The following TRIM5 variants were observed in gnomAD, a reference collection of about 807,000 sequenced individuals.
TRIM5 encodes the protein tripartite motif containing 5.
In TRIM5, 31 loss-of-function variants were observed where a neutral mutation model predicts 35.6. That is an observed-to-expected ratio of 0.87 (90% CI 0.65 to 1.18). TRIM5 has a LOEUF of 1.18. Ranked by LOEUF, TRIM5 falls within the 50% of genes most tolerant of loss-of-function variation. TRIM5 has a pLI of 0.00. For missense variants in TRIM5, 609 were observed against 591.6 expected, an observed-to-expected ratio of 1.03 and a Z score of -0.31; for synonymous variants, 243 against 215.6, an observed-to-expected ratio of 1.13 and a Z score of -1.11.
chr11:5,627,931 A>C, the TRIM5 span, among the ~76,000 whole-genome samples: 2 of 152,196 alleles, frequency 1.3e-5, no homozygotes, highest in Non-Finnish European at 2.9e-5. Context: ...TCATATCCAG[A>C]TGTTAGGAGT....
the TRIM5 span, among the ~76,000 whole-genome samples, chr11:5,650,208 A>G: frequency 6.6e-6 from 1 of 152,202 alleles, no homozygotes; most frequent in African/African-American, 2.4e-5. Context: ...TTCCATGATG[A>G]ATGCAGTATG....
the TRIM5 span, chr11:5,610,435 CA>C: frequency 6.2e-7 from 1 of 1,603,934 alleles, no homozygotes; most frequent in Non-Finnish European, 8.5e-7. Flanking sequence ...GACATCCTCA[CA>C]GGATTCCTCA....
the TRIM5 span, among the ~76,000 whole-genome samples, chr11:5,608,847 A>ATTTTTTTTTTTTTTT: frequency 5.9e-5 from 6 of 101,892 alleles, 1 homozygote; most frequent in African/African-American, 1.3e-4. Flanking sequence ...TTGCCCATAA[A>ATTTTTTTTTTTTTTT]TTTTTTTTTT....
the TRIM5 span, chr11:5,643,176 T>A: frequency 6.3e-7 from 1 of 1,580,782 alleles, no homozygotes; most frequent in Non-Finnish European, 8.6e-7. Flanking sequence ...CAACCTAAAT[T>A]TGAATCTTGT....
the TRIM5 span, among the ~76,000 whole-genome samples, chr11:5,623,646 C>A: frequency 6.6e-6 from 1 of 150,932 alleles, no homozygotes; most frequent in Non-Finnish European, 1.5e-5. Flanking sequence ...TCCCAAAGTT[C>A]TGGGATTACA....
the TRIM5 span, among the ~76,000 whole-genome samples, chr11:5,618,118 CTGGT>C: frequency 6.6e-6 from 1 of 152,190 alleles, no homozygotes; most frequent in Non-Finnish European, 1.5e-5. Context: ...GCAGTGTTGA[CTGGT>C]TGCAACAGAG....
chr11:5,669,556 C>A (rs1048339621), intron 4 of TRIM5, among the ~76,000 whole-genome samples: 1 of 152,126 alleles, frequency 6.6e-6, no homozygotes, highest in African/African-American at 2.4e-5. Flanking sequence ...CACATACAAT[C>A]AAATAGTTTT....
At chr11:5,603,768 A>C in the TRIM5 span, 1 of 1,606,068 alleles carries the variant, frequency 6.2e-7, no homozygotes, top group Non-Finnish European at 8.5e-7. Context: ...GAGACAGAGA[A>C]ACAGGGTCTT....
At chr11:5,682,546 G>A (rs1852568783) in intron 1 of TRIM5, among the ~76,000 whole-genome samples, 1 of 152,122 alleles carries the variant, frequency 6.6e-6, no homozygotes, top group South Asian at 2.1e-4. Flanking sequence ...TATAGACAAA[G>A]TTGCTTAAGA....
At chr11:5,662,545 C>A (rs1850866468), downstream of TRIM5, among the ~76,000 whole-genome samples, 1 of 152,120 alleles carries the variant, frequency 6.6e-6, no homozygotes, top group African/African-American at 2.4e-5. Context: ...CATCACTGTG[C>A]AAAATACGTT....
chr11:5,661,855 G>A (rs771245069), downstream of TRIM5, among the ~76,000 whole-genome samples: 2 of 152,176 alleles, frequency 1.3e-5, no homozygotes, highest in Non-Finnish European at 2.9e-5. Context: ...CCTTCAGTGT[G>A]CAGATCTTTT....
At position 5,663,815 on chromosome 11, in the gene TRIM5, C is replaced by T. The variant is rs1359480430; in HGVS notation, c.*994G>A. ...TCTTCTAGCTATTTCAAAATATATG[C>T]AATAGGTTATTGTTAACTCTAGTCA... On this transcript the variant is annotated 3_prime_UTR_variant, in exon 8 of 8. Coordinates refer to ENST00000380034, the MANE Select transcript of TRIM5 (RefSeq NM_033034.3). 1.3e-5 allele frequency: 2 copies of T among 155,608 alleles called. No homozygotes were observed. Among genetic ancestry groups the T allele is most frequent in the Non-Finnish European group, 2.8e-5 (2 of 71,168 alleles). The allele number at this position is 155,608 out of a possible 1,614,324, so 9.6% of individuals were successfully genotyped here.
At chr11:5,635,972 G>T in the TRIM5 span, among the ~76,000 whole-genome samples, 1 of 152,206 alleles carries the variant, frequency 6.6e-6, no homozygotes, top group African/African-American at 2.4e-5. Context: ...AGGAAAAACT[G>T]CTTGGCAGTT....
At chr11:5,610,114 T>C in the TRIM5 span, 1 of 1,612,586 alleles carries the variant, frequency 6.2e-7, no homozygotes, top group Non-Finnish European at 8.5e-7. Context: ...CAGTCAGCAG[T>C]GTGGGAACTC....
At chr11:5,679,020 C>T in intron 3 of TRIM5, 54 bp downstream of exon 3, 1 of 1,459,190 alleles carries the variant, frequency 6.9e-7, no homozygotes. Flanking sequence ...AAGCTCCTTC[C>T]CCTGGTCCTG....
At position 5,682,182 on chromosome 11, in the gene TRIM5, T is replaced by A. The variant is rs1852522412; in HGVS notation, c.-61-1944A>T. Among the ~76,000 whole-genome samples the A allele has an allele frequency of 2.6e-5, 4 of 152,154 alleles. No individual in the cohort carries two copies. The South Asian group carries it at 8.3e-4, about 32-fold the overall frequency. ...ACTTTGGGAGGCCAAGGCAGGCGGA[T>A]CACCTGAGGCTGGGAGTTCAAGACC... On this transcript the variant is annotated intron_variant, in intron 1 of 7. Coordinates refer to ENST00000380034, the MANE Select transcript of TRIM5 (RefSeq NM_033034.3).
chr11:5,672,911 G>A (rs1178854211), intron 4 of TRIM5, among the ~76,000 whole-genome samples: 1 of 152,120 alleles, frequency 6.6e-6, no homozygotes, highest in African/African-American at 2.4e-5. Context: ...GCACTAGGAA[G>A]AGTACTAATG....
At chr11:5,633,146 C>CT in the TRIM5 span, among the ~76,000 whole-genome samples, 1,327 of 106,792 alleles carry the variant, frequency 0.012, 24 homozygotes, top group African/African-American at 0.022. Context: ...CCTTTTCTTT[C>CT]TTTTTTTTTT....
chr11:5,617,723 CAG>C, the TRIM5 span, among the ~76,000 whole-genome samples: 4,021 of 126,968 alleles, frequency 0.032, 292 homozygotes, highest in East Asian at 0.068. Flanking sequence ...CTCCTGACCT[CAG>C]GTGATCCACC....
Sources: allele counts gnomAD v4.1 joint callset (sites outside exome capture counted in the v4.1 genomes callset), GRCh38; gene constraint gnomAD v4.1.1; transcripts MANE v1.5; gene names NCBI Gene and HGNC (gene_info 2026-07-23, HGNC 2026-07-21).